Variants in CRTAC1 observed in about 807,000 individuals in gnomAD.
CRTAC1 encodes acidic secreted protein in cartilage.
A neutral mutation model predicts 67.8 loss-of-function variants in CRTAC1; 37 were observed. The observed-to-expected ratio is 0.55, with a 90% CI of 0.42 to 0.72. The LOEUF (loss-of-function observed/expected upper bound fraction) is 0.72, where lower values mean the gene tolerates loss of function less well. CRTAC1 is among the 30% of genes least tolerant of loss of function. The probability of loss-of-function intolerance (pLI) is 0.00; values close to 1 mark genes in which losing one functional copy is unlikely to be tolerated. For synonymous variants in CRTAC1, 348 were observed against 371.0 expected, an observed-to-expected ratio of 0.94 and a Z score of 0.71; for missense variants, 780 against 931.6, an observed-to-expected ratio of 0.84 and a Z score of 2.12.
At chr10:97,865,947 C>T in intron 14 of CRTAC1, 1 of 555,790 alleles carries the variant, frequency 1.8e-6, no homozygotes. Context: ...TGGGGCTGGT[C>T]TGGGCCACAC....
intron 12 of CRTAC1, among the ~76,000 whole-genome samples, chr10:97,883,923 G>C (rs2050246868): frequency 6.6e-6 from 1 of 152,202 alleles, no homozygotes; most frequent in Non-Finnish European, 1.5e-5. Context: ...GGTGGGCCTT[G>C]GTGGATTTCC....
chr10:97,987,758 G>A (rs549594262), intron 2 of CRTAC1, among the ~76,000 whole-genome samples: 1 of 152,328 alleles, frequency 6.6e-6, no homozygotes, highest in Admixed American at 6.5e-5. Context: ...CTCTAGCGCT[G>A]AATACACATA....
intron 2 of CRTAC1, among the ~76,000 whole-genome samples, chr10:97,992,520 A>G (rs1842481979): frequency 6.6e-6 from 1 of 152,224 alleles, no homozygotes; most frequent in Non-Finnish European, 1.5e-5. Context: ...ATTATTCACA[A>G]CAGCTCAGAT....
chr10:97,936,225 G>A lies in CRTAC1; in HGVS notation c.366C>T (p.Ile122=), dbSNP rs148412903. 62 of 1,613,892 alleles carry A rather than the reference G, an allele frequency of 3.8e-5. No individual in the cohort carries two copies. The highest frequency in any genetic ancestry group is 6.7e-5 in the African/African-American group (5 of 74,942). Residue 122 remains isoleucine (I), a synonymous_variant, in exon 3 of 15, where the codon ATC becomes ATT. Coordinates refer to ENST00000370597, the MANE Select transcript of CRTAC1 (RefSeq NM_018058.7). ...GNAIGVTACD[I]DGDGREEIYF... ...AGATCTCCTCCCGGCCGTCCCCGTC[G>A]ATGTCGCAGGCTGTGACCCCGATGG...
rs1347220699 is a variant in CRTAC1 at position 98,005,098 on chromosome 10, A to AT, written c.224+6039dup. 4.2e-3 allele frequency among the ~76,000 whole-genome samples: 160 copies of AT among 38,172 alleles called. 2 individuals carry two copies. Among genetic ancestry groups the AT allele is most frequent in the East Asian group, 0.013 (13 of 964 alleles). 25.0% of individuals were successfully genotyped at this position (38,172 alleles called of 152,430 possible). A position where few individuals can be genotyped will look rare whatever the true frequency, so the allele number is the denominator to read the frequency against. ...AAGTAATACATATATATATATATAT[A>AT]TATTTTTTTTTTTTTTTTTTTTTGA... On this transcript the variant is annotated intron_variant, in intron 2 of 14. Transcript: ENST00000370597.
At chr10:97,929,482 G>A (rs963241435) in intron 3 of CRTAC1, among the ~76,000 whole-genome samples, 1 of 152,204 alleles carries the variant, frequency 6.6e-6, no homozygotes, top group African/African-American at 2.4e-5. Flanking sequence ...CCTGACTCAT[G>A]GTCTGGTATT....
At chr10:97,874,727 A>T (rs1313698723) in intron 14 of CRTAC1, among the ~76,000 whole-genome samples, 1 of 152,166 alleles carries the variant, frequency 6.6e-6, no homozygotes, top group Non-Finnish European at 1.5e-5. Context: ...TATTATCCCC[A>T]TCTTGCAGAT....
At chr10:97,906,160 G>C (rs2050608835) in intron 6 of CRTAC1, among the ~76,000 whole-genome samples, 1 of 152,176 alleles carries the variant, frequency 6.6e-6, no homozygotes, top group African/African-American at 2.4e-5. Flanking sequence ...CTGGGGGAGA[G>C]AAGGAGCTGG....
At chr10:97,900,797 C>T (rs80171552) in intron 8 of CRTAC1, among the ~76,000 whole-genome samples, 42 of 88,304 alleles carry the variant, frequency 4.8e-4, no homozygotes, top group East Asian at 4.0e-3. Flanking sequence ...GATTGGACCC[C>T]GTAGCCCCTT....
chr10:97,880,295 C>A lies in CRTAC1; in HGVS notation c.1773G>T (p.Lys591Asn), dbSNP rs1030953880. The change falls in exon 14 of 15, where the codon AAG (lysine) becomes AAT (asparagine). Residue 591 changes from lysine to asparagine, a missense_variant. By Grantham distance (94) the Lys-to-Asn change is moderately conservative (BLOSUM62 0). Coordinates refer to ENST00000370597, the MANE Select transcript of CRTAC1 (RefSeq NM_018058.7). ...YGSYRCRTNK[K>N]CSRGYEPNED... ...CGTTGGGCTCGTAGCCCCGACTGCA[C>A]TTCTTGTTGGTCCGGCACCTGTAGC... 1.2e-6 allele frequency: 2 copies of A among 1,614,224 alleles called. No homozygotes were observed. Among genetic ancestry groups the A allele is most frequent in the East Asian group, 2.2e-5 (1 of 44,878 alleles).
intron 3 of CRTAC1, among the ~76,000 whole-genome samples, chr10:97,925,635 G>T (rs1483811126): frequency 1.4e-5 from 2 of 144,166 alleles, no homozygotes; most frequent in Non-Finnish European, 3.0e-5. Context: ...TGAGGGGAGG[G>T]TGAGTGAGAA....
At chr10:97,935,517 T>C (rs914417515) in intron 3 of CRTAC1, among the ~76,000 whole-genome samples, 11 of 151,704 alleles carry the variant, frequency 7.3e-5, no homozygotes, top group Non-Finnish European at 1.5e-4. Context: ...ACCTGCTGAG[T>C]CAGTCTGCAT....
intron 2 of CRTAC1, among the ~76,000 whole-genome samples, chr10:97,978,251 G>C (rs1422915453): frequency 6.6e-6 from 1 of 152,154 alleles, no homozygotes; most frequent in Non-Finnish European, 1.5e-5. Context: ...ATGAGAATCT[G>C]CATTTTTAAC....
At chr10:97,990,780 C>T (rs911523114) in intron 2 of CRTAC1, among the ~76,000 whole-genome samples, 11 of 152,120 alleles carry the variant, frequency 7.2e-5, no homozygotes, top group African/African-American at 1.7e-4. Context: ...GTAGAATGAA[C>T]GAATAAGAGC....
chr10:98,018,439 C>T, intron 1 of CRTAC1, among the ~76,000 whole-genome samples: 1 of 152,112 alleles, frequency 6.6e-6, no homozygotes, highest in East Asian at 1.9e-4. Flanking sequence ...AGGCAGGCGG[C>T]AGCCAACTTG....
chr10:97,888,801 C>G (rs1017742348), intron 11 of CRTAC1, among the ~76,000 whole-genome samples: 2 of 152,106 alleles, frequency 1.3e-5, no homozygotes, highest in African/African-American at 2.4e-5. Context: ...AAGAGCGCCC[C>G]CCATTAACCA....
chr10:97,891,603 G>A (rs919933955), intron 11 of CRTAC1, among the ~76,000 whole-genome samples: 1 of 152,206 alleles, frequency 6.6e-6, no homozygotes, highest in Non-Finnish European at 1.5e-5. Flanking sequence ...GGAGGGCAGG[G>A]GGCATTTCTT....
chr10:97,923,789 T>G (rs1427985450), intron 3 of CRTAC1, among the ~76,000 whole-genome samples: 1 of 152,164 alleles, frequency 6.6e-6, no homozygotes, highest in East Asian at 1.9e-4. Flanking sequence ...TGGCTCTTTC[T>G]CCAGGCGCTG....
chr10:97,958,846 G>C (rs2051480667), intron 2 of CRTAC1, among the ~76,000 whole-genome samples: 1 of 152,108 alleles, frequency 6.6e-6, no homozygotes, highest in South Asian at 2.1e-4. Context: ...GAAACTAATG[G>C]GGATAAATTT....
Sources: gnomAD v4.1 joint callset for allele counts (sites outside exome capture counted in the v4.1 genomes callset) on GRCh38, gnomAD v4.1.1 for gene constraint, MANE v1.5 for transcripts, NCBI Gene and HGNC (gene_info 2026-07-23, HGNC 2026-07-21) for gene names.